Variants in COG6 observed in about 807,000 individuals in gnomAD.
COG6 encodes conserved oligomeric Golgi complex subunit 6.
Under a neutral mutation model 88.8 loss-of-function variants are expected in COG6, and 74 were observed. That is an observed-to-expected ratio of 0.83 (90% CI 0.69 to 1.01). The LOEUF is 1.01. Among genes scored for constraint, COG6 ranks in the 50% least tolerant of loss-of-function variants. The pLI is 0.00. For synonymous variants in COG6, 286 were observed against 278.7 expected (o/e 1.03, Z -0.26); for missense variants, 800 against 797.9 (o/e 1.00, Z -0.03).
rs1442177657 is a variant in COG6, at chr13:39,751,792, T to G, written c.*699T>G. ...TTTAAACAGGGTGGATTCCACTCTGTGGGAGCCTTCGATGGAACTCAAGGT... is the reference window on the plus strand; with the variant it reads ...TTTAAACAGGGTGGATTCCACTCTGGGGGAGCCTTCGATGGAACTCAAGGT... On this transcript the variant is annotated 3_prime_UTR_variant, in exon 19 of 19. Coordinates refer to ENST00000455146, the MANE Select transcript of COG6 (RefSeq NM_020751.3). The G allele has an allele frequency of 7.8e-7, 1 of 1,287,050 alleles. No individual in the cohort carries two copies. The highest frequency in any genetic ancestry group is 1.5e-5 in the African/African-American group (1 of 65,780). 79.7% of individuals were successfully genotyped at this position (1,287,050 alleles called of 1,614,324 possible). A position where few individuals can be genotyped will look rare whatever the true frequency, so the allele number is the denominator to read the frequency against.
intron 16 of COG6, 33 bp from the exon 17 acceptor site, chr13:39,724,475 T>C (rs1479346062): frequency 1.4e-6 from 2 of 1,455,050 alleles, no homozygotes; most frequent in Non-Finnish European, 1.9e-6. Context: ...TTTTACATCT[T>C]GGATCTGCTT....
chr13:39,704,824 ATTG>A (rs1877792800), intron 13 of COG6, among the ~76,000 whole-genome samples: 1 of 152,096 alleles, frequency 6.6e-6, no homozygotes, highest in African/African-American at 2.4e-5. Flanking sequence ...TCTGATCATT[ATTG>A]TTGTTGTTTT....
intron 11 of COG6, among the ~76,000 whole-genome samples, chr13:39,693,237 A>G (rs1304811977): frequency 1.3e-5 from 2 of 151,814 alleles, no homozygotes; most frequent in African/African-American, 4.8e-5. Flanking sequence ...CTTTATATTC[A>G]TGGAGAGAGT....
chr13:39,788,528 A>G, exon 19 of COG6: 3 of 625,244 alleles, frequency 4.8e-6, no homozygotes, highest in Non-Finnish European at 8.6e-6. Context: ...GCTGTGAGGG[A>G]TGAACCAAAT....
chr13:39,722,325 T>A (rs1023544586), intron 15 of COG6, among the ~76,000 whole-genome samples: 3 of 150,956 alleles, frequency 2.0e-5, no homozygotes, highest in Non-Finnish European at 3.0e-5. Flanking sequence ...AAAAAAAAAA[T>A]GAAAGTACTT....
At chr13:39,725,025 C>T (rs1284029805) in intron 17 of COG6, among the ~76,000 whole-genome samples, 1 of 151,812 alleles carries the variant, frequency 6.6e-6, no homozygotes, top group Non-Finnish European at 1.5e-5. Flanking sequence ...TCCTTCTTTT[C>T]AGGTGAAGAT....
intron 16 of COG6, 140 bp from the exon 17 acceptor site, chr13:39,724,368 A>G: frequency 3.1e-6 from 2 of 653,432 alleles, no homozygotes; most frequent in East Asian, 5.4e-5. Flanking sequence ...AAGAAATTAC[A>G]CTTGAGTTCT....
At chr13:39,738,399 T>C (rs1469159080) in intron 18 of COG6, among the ~76,000 whole-genome samples, 1 of 152,060 alleles carries the variant, frequency 6.6e-6, no homozygotes, top group Non-Finnish European at 1.5e-5. Flanking sequence ...CCACAACCAT[T>C]GAAACAAATA....
At chr13:39,748,586 G>A (rs139108246) in intron 18 of COG6, among the ~76,000 whole-genome samples, 2 of 151,966 alleles carry the variant, frequency 1.3e-5, no homozygotes, top group African/African-American at 4.8e-5. Context: ...CTGCACTCCA[G>A]CCTGGGTGAC....
intron 18 of COG6, among the ~76,000 whole-genome samples, chr13:39,734,924 AT>A (rs1213813738): frequency 1.8e-4 from 28 of 151,442 alleles, no homozygotes; most frequent in African/African-American, 2.4e-5. Context: ...AGCTACTCCT[AT>A]TTTTTTGTTT....
intron 18 of COG6, among the ~76,000 whole-genome samples, chr13:39,738,950 G>C (rs941690777): frequency 1.3e-5 from 2 of 152,046 alleles, no homozygotes; most frequent in Non-Finnish European, 2.9e-5. Flanking sequence ...TTTCTGCATA[G>C]TCCTCTCAGT....
At chr13:39,715,141 G>T (rs1878457079) in intron 13 of COG6, among the ~76,000 whole-genome samples, 1 of 151,916 alleles carries the variant, frequency 6.6e-6, no homozygotes, top group Non-Finnish European at 1.5e-5. Context: ...TAAAATCTCA[G>T]ACTTCGCCAC....
At chr13:39,692,891 T>C (rs1877062001) in intron 11 of COG6, among the ~76,000 whole-genome samples, 1 of 152,044 alleles carries the variant, frequency 6.6e-6, no homozygotes, top group Admixed American at 6.6e-5. Context: ...TTCCCGTTGC[T>C]GCTTTCCAGC....
intron 13 of COG6, among the ~76,000 whole-genome samples, chr13:39,704,472 C>T (rs1251093496): frequency 6.6e-5 from 10 of 152,116 alleles, no homozygotes. Context: ...GAAAATATAT[C>T]TACTATTCAT....
chr13:39,719,158 T>G, intron 13 of COG6, 78 bp from the exon 14 acceptor site: 3 of 1,430,564 alleles, frequency 2.1e-6, no homozygotes, highest in Non-Finnish European at 2.9e-6. Flanking sequence ...TACATTTTTT[T>G]TTACTATGAA....
chr13:39,750,034 AGT>A (rs1880539221), intron 18 of COG6, among the ~76,000 whole-genome samples: 1 of 152,214 alleles, frequency 6.6e-6, no homozygotes, highest in Middle Eastern at 3.2e-3. Context: ...CCTGAGCTGA[AGT>A]GATACAACAT....
At chr13:39,774,678 G>A (rs1479276858) in intron 18 of COG6, among the ~76,000 whole-genome samples, 2 of 151,806 alleles carry the variant, frequency 1.3e-5, no homozygotes, top group Non-Finnish European at 2.9e-5. Flanking sequence ...GGGTTCAAGC[G>A]ATTCTTCTGC....
chr13:39,719,348 G>C lies in COG6; in HGVS notation c.1397G>C (p.Arg466Pro). Residue 466 changes from arginine to proline, a missense_variant, in exon 14 of 19, where the codon CGT becomes CCT. Physicochemically the swap from Arg to Pro is moderately radical, Grantham distance 103. Transcript: ENST00000455146. ...HDSSVVPLDARQADFVQVLSC... is the reference protein window; with the variant it reads ...HDSSVVPLDAPQADFVQVLSC... ...TCTTCAGTTGTACCATTAGATGCTC[G>C]TCAAGCTGATTTTGTGCAGGTATGT... The C allele has an allele frequency of 6.2e-7, 1 of 1,612,424 alleles. No individual in the cohort carries two copies. Among genetic ancestry groups the C allele is most frequent in the African/African-American group, 1.3e-5 (1 of 74,944 alleles).
intron 18 of COG6, among the ~76,000 whole-genome samples, chr13:39,748,055 C>A (rs530514328): frequency 6.6e-6 from 1 of 152,162 alleles, no homozygotes; most frequent in African/African-American, 2.4e-5. Flanking sequence ...TGAGTATAGA[C>A]TTGAGTATGA....
Sources: allele counts gnomAD v4.1 joint callset (sites outside exome capture counted in the v4.1 genomes callset), GRCh38; gene constraint gnomAD v4.1.1; transcripts MANE v1.5; gene names NCBI Gene and HGNC (gene_info 2026-07-23, HGNC 2026-07-21).